Variants in ANKRD30B observed in about 807,000 individuals in gnomAD.
The protein encoded by ANKRD30B is ankyrin repeat domain-containing protein 30B.
Under a neutral mutation model 202.2 loss-of-function variants are expected in ANKRD30B, and 144 were observed. The observed-to-expected ratio is 0.71, with a 90% CI of 0.62 to 0.82. ANKRD30B has a LOEUF of 0.82. Among genes scored for constraint, ANKRD30B ranks in the 40% least tolerant of loss-of-function variants. The pLI is 0.00. For synonymous variants in ANKRD30B, 508 were observed against 561.3 expected, an observed-to-expected ratio of 0.91 and a Z score of 1.34; for missense variants, 1,487 against 1,669.1, an observed-to-expected ratio of 0.89 and a Z score of 1.90.
At chr18:14,885,491 G>A in the ANKRD30B span, among the ~76,000 whole-genome samples, 7 of 151,976 alleles carry the variant, frequency 4.6e-5, no homozygotes, top group African/African-American at 1.7e-4. Flanking sequence ...GCTGTCTGTG[G>A]TGGGCCCCCT....
intron 16 of ANKRD30B, among the ~76,000 whole-genome samples, chr18:14,793,050 A>G (rs1418464490): frequency 2.0e-5 from 3 of 152,148 alleles, no homozygotes; most frequent in African/African-American, 7.2e-5. Context: ...TTGAGGGCTA[A>G]TTAAGTTTGC....
the ANKRD30B span, among the ~76,000 whole-genome samples, chr18:14,892,742 CAAAAAA>C: frequency 5.5e-5 from 4 of 72,900 alleles, no homozygotes; most frequent in Admixed American, 2.1e-4. Flanking sequence ...TCTGTTTCAC[CAAAAAA>C]AAAAAAAAAA....
At chr18:14,805,590 A>T (rs572209118) in intron 24 of ANKRD30B, among the ~76,000 whole-genome samples, 1 of 150,724 alleles carries the variant, frequency 6.6e-6, no homozygotes, top group Non-Finnish European at 1.5e-5. Flanking sequence ...TGAGATGTCA[A>T]ATCTACATTC....
the ANKRD30B span, among the ~76,000 whole-genome samples, chr18:14,904,992 T>G: frequency 6.6e-6 from 1 of 152,260 alleles, no homozygotes; most frequent in South Asian, 2.1e-4. Context: ...ATAACACAGG[T>G]TGCAGTAGAG....
In ANKRD30B at chr18:14,772,152, A is replaced by C; in HGVS notation, c.1257-4A>C. On this transcript the variant is annotated splice_polypyrimidine_tract_variant and splice_region_variant and intron_variant, in intron 8 of 43. Coordinates refer to ENST00000690538, the MANE Select transcript of ANKRD30B (RefSeq NM_001367607.2). Reference sequence around the variant, plus strand: ...CATTTATGTTGTATCATTTTTCTTTAAAGTCTTTTTGGCACACGGACTATT... The same window carrying C: ...CATTTATGTTGTATCATTTTTCTTTCAAGTCTTTTTGGCACACGGACTATT... 1 of 1,485,654 alleles carries C rather than the reference A, an allele frequency of 6.7e-7. No homozygotes were observed. The highest frequency in any genetic ancestry group is 9.0e-7 in the Non-Finnish European group (1 of 1,109,520). 92.0% of individuals were successfully genotyped at this position (1,485,654 alleles called of 1,614,324 possible). A position where few individuals can be genotyped will look rare whatever the true frequency, so the allele number is the denominator to read the frequency against.
the ANKRD30B span, among the ~76,000 whole-genome samples, chr18:14,938,841 G>A: frequency 2.6e-5 from 4 of 152,070 alleles, no homozygotes; most frequent in African/African-American, 7.2e-5. Context: ...AGATAAACTT[G>A]GATCAGACAA....
At chr18:14,892,209 A>G in the ANKRD30B span, among the ~76,000 whole-genome samples, 3 of 152,222 alleles carry the variant, frequency 2.0e-5, no homozygotes, top group Admixed American at 1.3e-4. Flanking sequence ...GCACAAGCTT[A>G]GAGTGTCTTT....
chr18:14,897,975 T>C, the ANKRD30B span, among the ~76,000 whole-genome samples: 5 of 152,330 alleles, frequency 3.3e-5, no homozygotes, highest in African/African-American at 7.2e-5. Context: ...TTATGCACTA[T>C]TAGGCTCACT....
chr18:14,855,213 G>A (rs755330004), downstream of ANKRD30B, among the ~76,000 whole-genome samples: 11 of 152,172 alleles, frequency 7.2e-5, no homozygotes, highest in Non-Finnish European at 1.0e-4. Context: ...CAGAGAGCAC[G>A]GGGTTGGGGG....
chr18:14,837,041 A>G (rs191607328), intron 34 of ANKRD30B, 170 bp from the exon 35 acceptor site: 5 of 500,040 alleles, frequency 1.0e-5, no homozygotes, highest in East Asian at 3.1e-5. Flanking sequence ...TCTTCCATGT[A>G]TATTTTCTGC....
At chr18:14,907,682 T>C in the ANKRD30B span, among the ~76,000 whole-genome samples, 1 of 152,204 alleles carries the variant, frequency 6.6e-6, no homozygotes, top group Admixed American at 6.5e-5. Flanking sequence ...ATGTCCCGGA[T>C]GTAGCTGTTT....
At chr18:14,858,916 G>A (rs373483839), downstream of ANKRD30B, among the ~76,000 whole-genome samples, 9,713 of 64,042 alleles carry the variant, frequency 0.15, 1,053 homozygotes, top group African/African-American at 0.18. Flanking sequence ...CAGACGGGGC[G>A]GCTGGGCAGA....
the ANKRD30B span, among the ~76,000 whole-genome samples, chr18:14,940,972 C>T: frequency 2.6e-5 from 4 of 152,166 alleles, no homozygotes; most frequent in East Asian, 7.7e-4. Flanking sequence ...TAGAGCTCCC[C>T]ACAGCACCTG....
chr18:14,895,119 C>CT, the ANKRD30B span, among the ~76,000 whole-genome samples: 1 of 147,400 alleles, frequency 6.8e-6, no homozygotes, highest in African/African-American at 2.5e-5. Context: ...ATGGCAACAA[C>CT]TGACACTGGG....
intron 30 of ANKRD30B, among the ~76,000 whole-genome samples, chr18:14,817,856 C>A (rs1430147798): frequency 1.3e-5 from 2 of 152,068 alleles, no homozygotes; most frequent in Admixed American, 1.3e-4. Context: ...GTGTTGAATA[C>A]AATTTTAAGC....
rs574347773 is a variant in ANKRD30B, at chr18:14,758,089, A to C, written c.755+137A>C. On this transcript the variant is annotated intron_variant, in intron 5 of 43. Transcript: ENST00000690538. ...ACTAGTTAGAAGGAGTACTGGGTCC[A>C]GGATTCTTTATTTTAGGACTTTCAA... The C allele has an allele frequency of 9.3e-5, 86 of 927,458 alleles. 1 individual carries two copies. In the East Asian group the frequency reaches 2.2e-3, roughly 24 times the overall value. The allele number at this position is 927,458 out of a possible 1,614,324, so 57.5% of individuals were successfully genotyped here. A position where few individuals can be genotyped will look rare whatever the true frequency, so the allele number is the denominator to read the frequency against.
the ANKRD30B span, among the ~76,000 whole-genome samples, chr18:14,861,505 A>G: frequency 6.6e-6 from 1 of 151,016 alleles, no homozygotes; most frequent in Admixed American, 6.6e-5. Flanking sequence ...TTAAACTAAC[A>G]ACAGTAAAAA....
At position 14,752,658 on chromosome 18, in the gene ANKRD30B, A is replaced by C. The variant is rs984288163; in HGVS notation, c.314A>C (p.Glu105Ala). 4 of 1,606,890 alleles carry C rather than the reference A, an allele frequency of 2.5e-6. No homozygotes were observed. The highest frequency in any genetic ancestry group is 3.4e-5 in the Admixed American group (2 of 59,178). Residue 105 changes from glutamate to alanine, a missense_variant, in exon 2 of 44, where the codon GAA becomes GCA. By Grantham distance (107) the Glu-to-Ala change is moderately radical. Coordinates refer to ENST00000690538, the MANE Select transcript of ANKRD30B (RefSeq NM_001367607.2). The part of the protein sequence containing the change: ...RKCQLNVLDG[E>A]GRTPLMKALQ... ...TGCCAGCTTAATGTCCTTGATGGCG[A>C]AGGGAGGACACCTCTGATGAAGGTA... is the stretch of plus-strand genomic sequence containing the variant.
At chr18:14,830,908 C>T (rs747775904) in intron 33 of ANKRD30B, among the ~76,000 whole-genome samples, 21 of 152,074 alleles carry the variant, frequency 1.4e-4, no homozygotes, top group Non-Finnish European at 2.5e-4. Flanking sequence ...AGGGGCCGGG[C>T]GCGGTGGCTC....
Sources: allele counts gnomAD v4.1 joint callset (sites outside exome capture counted in the v4.1 genomes callset), GRCh38; gene constraint gnomAD v4.1.1; transcripts MANE v1.5; gene names NCBI Gene and HGNC (gene_info 2026-07-23, HGNC 2026-07-21).